ENOSF1: variants seen among roughly 807,000 people sequenced by gnomAD.
ENOSF1 encodes mitochondrial enolase superfamily member 1.
A neutral mutation model predicts 68.2 loss-of-function variants in ENOSF1; 73 were observed. The ratio of observed to expected loss-of-function variants is 1.07; its 90% CI spans 0.89 to 1.30. The LOEUF is 1.30. Among genes scored for constraint, ENOSF1 ranks in the 50% most tolerant of loss-of-function variants. The probability of loss-of-function intolerance (pLI) is 0.00; values close to 1 mark genes in which losing one functional copy is unlikely to be tolerated. For synonymous variants in ENOSF1, 223 were observed against 210.4 expected, an observed-to-expected ratio of 1.06 and a Z score of -0.52; for missense variants, 589 against 554.5, an observed-to-expected ratio of 1.06 and a Z score of -0.62.
intron 8 of ENOSF1, 138 bp from the exon 9 acceptor site, chr18:688,746 A>G: frequency 1.4e-6 from 1 of 706,006 alleles, no homozygotes; most frequent in East Asian, 2.8e-5. Context: ...GTTGAAATTA[A>G]CAGCAGAAAC....
intron 1 of ENOSF1, among the ~76,000 whole-genome samples, chr18:711,171 A>AAAAT (rs1169625255): frequency 6.6e-6 from 1 of 152,174 alleles, no homozygotes; most frequent in African/African-American, 2.4e-5. Context: ...ACCCTGCCTC[A>AAAAT]AAATAAATAA....
At chr18:680,558 T>C (rs1307134962) in intron 11 of ENOSF1, among the ~76,000 whole-genome samples, 2 of 151,948 alleles carry the variant, frequency 1.3e-5, no homozygotes, top group African/African-American at 4.8e-5. Context: ...CTCGCTCCCA[T>C]CCCTGCCTGG....
At chr18:680,514 C>T (rs951511323) in intron 11 of ENOSF1, among the ~76,000 whole-genome samples, 1 of 152,052 alleles carries the variant, frequency 6.6e-6, no homozygotes, top group Non-Finnish European at 1.5e-5. Context: ...GCTGCCCTCT[C>T]CCTTTATCTC....
At chr18:667,992 A>ATT (rs60409589), downstream of ENOSF1, among the ~76,000 whole-genome samples, 7,619 of 105,368 alleles carry the variant, frequency 0.072, 449 homozygotes, top group Admixed American at 0.095. Flanking sequence ...ATTCACAGGA[A>ATT]TTTTTTTTTT....
At position 673,830 on chromosome 18, in the gene ENOSF1, G is replaced by A. The variant is rs563886762; in HGVS notation, c.*475C>T. The A allele has an allele frequency of 2.0e-5, 3 of 151,692 alleles. No individual in the cohort carries two copies. Among genetic ancestry groups the A allele is most frequent in the African/African-American group, 7.3e-5 (3 of 41,020 alleles). The allele number at this position is 151,692 out of a possible 1,614,324, so 9.4% of individuals were successfully genotyped here. A position where few individuals can be genotyped will look rare whatever the true frequency, so the allele number is the denominator to read the frequency against. On this transcript the variant is annotated 3_prime_UTR_variant, in exon 16 of 16. Coordinates refer to ENST00000647584, the MANE Select transcript of ENOSF1 (RefSeq NM_017512.7). Reference sequence around the variant, plus strand: ...TGTGACTTCTCTAATAATATGCTTAGATTAAGCAAGGAAAAGATGCAAAAC... The same window carrying A: ...TGTGACTTCTCTAATAATATGCTTAAATTAAGCAAGGAAAAGATGCAAAAC...
Position 674,116 on chromosome 18 carries a change from A to G in ENOSF1, c.*189T>C. 1 of 514,830 alleles carries G rather than the reference A, an allele frequency of 1.9e-6. No homozygotes were observed. The highest frequency in any genetic ancestry group is 2.8e-5 in the South Asian group (1 of 35,900). 31.9% of individuals were successfully genotyped at this position (514,830 alleles called of 1,614,324 possible). A position where few individuals can be genotyped will look rare whatever the true frequency, so the allele number is the denominator to read the frequency against. On this transcript the variant is annotated 3_prime_UTR_variant, in exon 16 of 16. Transcript: ENST00000647584. ...ATCTAAACTTATTTAAGGATTAAGT[A>G]GGATAACGTGCATTGATTTGCTAAA...
chr18:666,372 C>T (rs952589667), downstream of ENOSF1, among the ~76,000 whole-genome samples: 2 of 152,014 alleles, frequency 1.3e-5, no homozygotes, highest in Admixed American at 1.3e-4. Context: ...AAGCGCAGTG[C>T]CAGGGTCACA....
intron 14 of ENOSF1, 54 bp from the exon 15 acceptor site, chr18:675,456 G>A (rs117037349): frequency 2.9e-5 from 43 of 1,473,430 alleles, no homozygotes; most frequent in Middle Eastern, 1.7e-4. Flanking sequence ...GATTATTCAC[G>A]TGGTGCTAAC....
intron 1 of ENOSF1, among the ~76,000 whole-genome samples, chr18:710,445 T>C (rs1221171304): frequency 6.6e-6 from 1 of 152,122 alleles, no homozygotes; most frequent in African/African-American, 2.4e-5. Flanking sequence ...AAATTCAAAG[T>C]CAAGTCTAGA....
At chr18:706,167 G>A (rs1214652977) in intron 2 of ENOSF1, among the ~76,000 whole-genome samples, 1 of 152,068 alleles carries the variant, frequency 6.6e-6, no homozygotes, top group African/African-American at 2.4e-5. Context: ...CCGGGTGAAA[G>A]GCAGGTGAAA....
chr18:690,702 A>AAGCTGTTTCCCCTGGCGAGTCC, intron 7 of ENOSF1, 71 bp from the exon 8 acceptor site: 2 of 1,579,840 alleles, frequency 1.3e-6, no homozygotes, highest in Admixed American at 3.6e-5. Context: ...GCCTGTAGCT[A>AAGCTGTTTCCCCTGGCGAGTCC]AGCTGTTTCC....
chr18:671,261 T>C lies in ENOSF1; in HGVS notation c.*3044A>G. ...TGTTGCTACAAAAAAATGGAAAAGC[T>C]ACACTAAATTATTTTTTTAAAAAAA... On this transcript the variant is annotated 3_prime_UTR_variant, in exon 16 of 16. Coordinates refer to ENST00000647584, the MANE Select transcript of ENOSF1 (RefSeq NM_017512.7). 1.3e-6 allele frequency: 1 copy of C among 762,088 alleles called. No individual in the cohort carries two copies. The highest frequency in any genetic ancestry group is 2.5e-5 in the East Asian group (1 of 40,042). The allele number at this position is 762,088 out of a possible 1,614,324, so 47.2% of individuals were successfully genotyped here. A position where few individuals can be genotyped will look rare whatever the true frequency, so the allele number is the denominator to read the frequency against.
intron 10 of ENOSF1, among the ~76,000 whole-genome samples, chr18:684,049 A>G (rs919294632): frequency 4.5e-4 from 67 of 150,394 alleles, no homozygotes; most frequent in Admixed American, 9.9e-4. Flanking sequence ...GCTGGAGTGC[A>G]GTGGCGCTAT....
chr18:678,601 G>A, intron 12 of ENOSF1, 95 bp downstream of exon 12: 1 of 1,225,430 alleles, frequency 8.2e-7, no homozygotes, highest in East Asian at 2.3e-5. Flanking sequence ...AGTACAGCAG[G>A]TGATGGAGCC....
At chr18:692,103 T>C (rs2077241808) in intron 5 of ENOSF1, 2 of 152,182 alleles carry the variant, frequency 1.3e-5, no homozygotes, top group African/African-American at 4.8e-5. Context: ...AGAAACACAG[T>C]GGGTGAACCG....
chr18:685,046 TAGAG>T (rs767262575), intron 10 of ENOSF1, among the ~76,000 whole-genome samples: 6 of 152,084 alleles, frequency 3.9e-5, no homozygotes, highest in African/African-American at 1.2e-4. Context: ...TTCTTTCTTT[TAGAG>T]AGAGAGTCTT....
At chr18:689,980 A>G (rs2076985903) in intron 8 of ENOSF1, among the ~76,000 whole-genome samples, 1 of 152,062 alleles carries the variant, frequency 6.6e-6, no homozygotes, top group African/African-American at 2.4e-5. Context: ...AAAACCCCCA[A>G]GGAACAGGGT....
downstream of ENOSF1, among the ~76,000 whole-genome samples, chr18:667,304 TGATGGTGATGGA>T (rs2074863451): frequency 3.6e-5 from 1 of 27,448 alleles, no homozygotes; most frequent in Admixed American, 3.2e-4. Context: ...ATGGTGATGG[TGATGGTGATGGA>T]GATGGTGATG....
intron 3 of ENOSF1, among the ~76,000 whole-genome samples, chr18:696,667 C>T (rs117222906): frequency 0.012 from 1,900 of 152,286 alleles, 21 homozygotes; most frequent in Non-Finnish European, 0.02. Context: ...CTCAGGACCT[C>T]ATCTCCTTAG....
Sources: allele counts gnomAD v4.1 joint callset (sites outside exome capture counted in the v4.1 genomes callset), GRCh38; gene constraint gnomAD v4.1.1; transcripts MANE v1.5; gene names NCBI Gene and HGNC (gene_info 2026-07-23, HGNC 2026-07-21).